Variants in ITPR2 observed in about 807,000 individuals in gnomAD.
ITPR2 encodes inositol 1,4,5-trisphosphate receptor type 2.
Under a neutral mutation model 317.1 loss-of-function variants are expected in ITPR2, and 207 were observed. The ratio of observed to expected loss-of-function variants is 0.65; its 90% CI spans 0.58 to 0.73. The LOEUF is 0.73. ITPR2 is among the 30% of genes least tolerant of loss of function. ITPR2 has a pLI of 0.00. For missense variants in ITPR2, 2,613 were observed against 3,284.0 expected (o/e 0.80, Z 4.99); for synonymous variants, 1,156 against 1,149.1 (o/e 1.01, Z -0.12).
At position 26,595,552 on chromosome 12, in the gene ITPR2, A is replaced by G. The variant is rs777766986; in HGVS notation, c.4293T>C (p.Tyr1431=). The change falls in exon 32 of 57, where the codon TAT becomes TAC. Residue 1431 remains tyrosine (Y), a synonymous_variant. Transcript: ENST00000381340. ...CTTTCATTTCCACTTCAGTGTCAAC[A>G]TAACAGTGATTAACAAAGTTCACAT... ...IAYVNFVNHC[Y]VDTEVEMKEI... The G allele has an allele frequency of 2.5e-6, 4 of 1,597,466 alleles. No homozygotes were observed. The highest frequency in any genetic ancestry group is 1.8e-5 in the Admixed American group (1 of 55,380).
chr12:26,390,825 A>T (rs1047278678), intron 54 of ITPR2, among the ~76,000 whole-genome samples: 8 of 151,490 alleles, frequency 5.3e-5, no homozygotes, highest in Non-Finnish European at 1.0e-4. Context: ...TAAACAAAAC[A>T]AACAAAAGAG....
intron 45 of ITPR2, among the ~76,000 whole-genome samples, chr12:26,460,338 C>CCATGGAGGAGAGTGTTG: frequency 6.6e-6 from 1 of 152,260 alleles, no homozygotes; most frequent in South Asian, 2.1e-4. Flanking sequence ...AAGTGCACGC[C>CCATGGAGGAGAGTGTTG]CATGGAGGAG....
At chr12:26,684,452 T>C (rs1948090405) in intron 11 of ITPR2, among the ~76,000 whole-genome samples, 1 of 152,238 alleles carries the variant, frequency 6.6e-6, no homozygotes, top group South Asian at 2.1e-4. Flanking sequence ...ACTCAGTCTC[T>C]AGTTCCTGAT....
At chr12:26,495,322 T>C (rs1038116335) in intron 37 of ITPR2, 62 bp from the exon 38 acceptor site, 9 of 894,686 alleles carry the variant, frequency 1.0e-5, no homozygotes, top group African/African-American at 1.0e-4. Flanking sequence ...AAAATGTCAG[T>C]ATGTTAAATG....
chr12:26,629,045 G>A (rs368091913), intron 22 of ITPR2, among the ~76,000 whole-genome samples: 6 of 152,110 alleles, frequency 3.9e-5, no homozygotes, highest in African/African-American at 9.7e-5. Context: ...CAAAAGTGTC[G>A]TATTTGGACA....
chr12:26,440,312 C>T (rs1310956902), intron 46 of ITPR2, among the ~76,000 whole-genome samples: 2 of 152,150 alleles, frequency 1.3e-5, no homozygotes, highest in Non-Finnish European at 2.9e-5. Flanking sequence ...TTTCTTCTTG[C>T]TTAGAACAAA....
chr12:26,491,432 G>A (rs920212568), intron 39 of ITPR2, among the ~76,000 whole-genome samples: 18 of 130,798 alleles, frequency 1.4e-4, no homozygotes, highest in African/African-American at 3.8e-4. Flanking sequence ...GCAGTGAGCC[G>A]AGATTACACC....
intron 14 of ITPR2, 117 bp from the exon 15 acceptor site, chr12:26,663,963 T>A: frequency 1.0e-6 from 1 of 964,438 alleles, no homozygotes; most frequent in Non-Finnish European, 1.5e-6. Flanking sequence ...AGTATTAGAG[T>A]AAACGGGAAA....
At chr12:26,622,106 CTG>C in intron 25 of ITPR2, 132 bp downstream of exon 25, 1 of 661,162 alleles carries the variant, frequency 1.5e-6, no homozygotes, top group Non-Finnish European at 2.4e-6. Flanking sequence ...GGCCATGTCT[CTG>C]TTTAAAAATA....
At chr12:26,822,959 AT>A (rs1271436027) in intron 1 of ITPR2, among the ~76,000 whole-genome samples, 2 of 152,284 alleles carry the variant, frequency 1.3e-5, no homozygotes, top group African/African-American at 4.8e-5. Flanking sequence ...AATTTTACCA[AT>A]TTTTTTAAAT....
rs1946665614 is a variant in ITPR2 at position 26,628,127 on chromosome 12, T to C, written c.2970A>G (p.Ser990=). 8 of 1,606,268 alleles carry C rather than the reference T, an allele frequency of 5.0e-6. No individual in the cohort carries two copies. Among genetic ancestry groups the C allele is most frequent in the Middle Eastern group, 1.7e-4 (1 of 6,056 alleles). Residue 990 remains serine, a synonymous_variant, in exon 23 of 57, where the codon TCA becomes TCG. Coordinates refer to ENST00000381340, the MANE Select transcript of ITPR2 (RefSeq NM_002223.4). The stretch of plus-strand genomic sequence containing the variant: ...CCTTCTTATATATTGACAGCATATA[T>C]GAGATCCTATAATCCAGTCTGACAC... The part of the protein sequence containing the change: ...ILSVRLDYRI[S]YMLSIYKKEF...
chr12:26,499,503 T>G (rs1421926329), intron 37 of ITPR2, among the ~76,000 whole-genome samples: 1 of 152,220 alleles, frequency 6.6e-6, no homozygotes, highest in Admixed American at 6.5e-5. Context: ...TCAAATGAAA[T>G]TGTTAATATC....
intron 1 of ITPR2, among the ~76,000 whole-genome samples, chr12:26,801,533 G>T (rs1183133231): frequency 6.6e-6 from 1 of 152,184 alleles, no homozygotes; most frequent in Non-Finnish European, 1.5e-5. Context: ...CCCTAGGGTT[G>T]GGTTTGCTTT....
rs147377397 is a variant in ITPR2 at position 26,693,648 on chromosome 12, G to A, written c.996+1958C>T. Reference sequence around the variant, plus strand: ...TTTTAATTTGTATTATTATATTTTGGTGTTTTTGATCTGTGGATGTTTGAA... The same window carrying A: ...TTTTAATTTGTATTATTATATTTTGATGTTTTTGATCTGTGGATGTTTGAA... On this transcript the variant is annotated intron_variant, in intron 10 of 56. Coordinates refer to ENST00000381340, the MANE Select transcript of ITPR2 (RefSeq NM_002223.4). Among the ~76,000 whole-genome samples the A allele has an allele frequency of 1.1e-3, 165 of 151,946 alleles. 2 individuals are homozygous for A. Among genetic ancestry groups the A allele is most frequent in the Middle Eastern group, 3.4e-3 (1 of 294 alleles).
intron 34 of ITPR2, among the ~76,000 whole-genome samples, chr12:26,570,151 G>C (rs1945121735): frequency 6.6e-6 from 1 of 152,062 alleles, no homozygotes; most frequent in South Asian, 2.1e-4. Flanking sequence ...TAACAGGTAG[G>C]GGACTTACTT....
chr12:26,438,481 T>C (rs767321995), intron 47 of ITPR2, among the ~76,000 whole-genome samples: 5 of 152,250 alleles, frequency 3.3e-5, no homozygotes, highest in Non-Finnish European at 5.9e-5. Context: ...TGAGATCCCT[T>C]ATTTTGGAAA....
chr12:26,497,371 G>C (rs1204652950), intron 37 of ITPR2, among the ~76,000 whole-genome samples: 1 of 147,562 alleles, frequency 6.8e-6, no homozygotes, highest in Non-Finnish European at 1.5e-5. Flanking sequence ...GGCCAGGATG[G>C]TCTCGATCTC....
At chr12:26,540,329 T>C (rs920439667) in intron 37 of ITPR2, among the ~76,000 whole-genome samples, 3 of 152,210 alleles carry the variant, frequency 2.0e-5, no homozygotes, top group Admixed American at 6.5e-5. Context: ...TTAAACTAAA[T>C]GGGAAATACT....
chr12:26,722,102 G>A (rs1166971884), intron 5 of ITPR2, among the ~76,000 whole-genome samples: 1 of 151,818 alleles, frequency 6.6e-6, no homozygotes, highest in Non-Finnish European at 1.5e-5. Flanking sequence ...TCCTAATTAG[G>A]CAAAAAAGTA....
Sources: gnomAD v4.1 joint callset for allele counts (sites outside exome capture counted in the v4.1 genomes callset) on GRCh38, gnomAD v4.1.1 for gene constraint, MANE v1.5 for transcripts, NCBI Gene and HGNC (gene_info 2026-07-23, HGNC 2026-07-21) for gene names.